Variants in EFNA5 observed in about 807,000 individuals in gnomAD.
The protein encoded by EFNA5 is ephrin-A5.
A neutral mutation model predicts 22.9 loss-of-function variants in EFNA5; 5 were observed. The observed-to-expected ratio is 0.22, with a 90% CI of 0.11 to 0.46. EFNA5 has a LOEUF of 0.46. Ranked by LOEUF, EFNA5 falls within the 20% of genes least tolerant of loss-of-function variation. The pLI is 0.99. For missense variants in EFNA5, 237 were observed against 293.3 expected (o/e 0.81, Z 1.40); for synonymous variants, 113 against 112.2 (o/e 1.01, Z -0.04).
intron 1 of EFNA5, among the ~76,000 whole-genome samples, chr5:107,459,109 T>C (rs1303429801): frequency 6.6e-6 from 1 of 152,062 alleles, no homozygotes; most frequent in East Asian, 1.9e-4. Flanking sequence ...CCTCAAAATA[T>C]CAATTGGAGG....
chr5:107,427,228 T>C lies in EFNA5; in HGVS notation c.407A>G (p.Tyr136Cys). 1 of 1,614,056 alleles carries C rather than the reference T, an allele frequency of 6.2e-7. No homozygotes were observed. The highest frequency in any genetic ancestry group is 8.5e-7 in the Non-Finnish European group (1 of 1,179,978). ...LGFEFRPGRE[Y>C]FYISSAIPDN... ...CTCTATATACTCACAGATGTAGAAA[T>C]ATTCTCGGCCTGGCCTGAATTCAAA... The change falls in exon 2 of 5, where the codon TAT (tyrosine) becomes TGT (cysteine). Residue 136 changes from tyrosine to cysteine, a missense_variant. Around this residue, in one of 3 missense-constraint regions of EFNA5, gnomAD observed 13 missense variants for 38.3 expected, o/e 0.34. Transcript: ENST00000333274.
At chr5:107,625,662 T>C (rs1490794731) in intron 1 of EFNA5, among the ~76,000 whole-genome samples, 2 of 152,150 alleles carry the variant, frequency 1.3e-5, no homozygotes, top group African/African-American at 2.4e-5. Context: ...AAATAAAGAT[T>C]GAATGTTAAG....
chr5:107,487,568 A>C (rs1746671427), intron 1 of EFNA5, among the ~76,000 whole-genome samples: 1 of 152,248 alleles, frequency 6.6e-6, no homozygotes, highest in African/African-American at 2.4e-5. Context: ...GTTGGATAGA[A>C]GTAAAATGTA....
intron 2 of EFNA5, among the ~76,000 whole-genome samples, chr5:107,414,694 C>A (rs181977404): frequency 2.0e-5 from 3 of 152,202 alleles, no homozygotes; most frequent in African/African-American, 7.2e-5. Context: ...AAAATTGCCA[C>A]AATAAATCTA....
intron 1 of EFNA5, among the ~76,000 whole-genome samples, chr5:107,669,596 G>A (rs997749967): frequency 8.5e-5 from 13 of 152,100 alleles, no homozygotes; most frequent in African/African-American, 1.9e-4. Flanking sequence ...TGTCCAGCAC[G>A]CGCACTAGGA....
At chr5:107,562,308 A>C (rs564064233) in intron 1 of EFNA5, among the ~76,000 whole-genome samples, 56 of 152,218 alleles carry the variant, frequency 3.7e-4, no homozygotes, top group African/African-American at 1.3e-3. Context: ...TTCATTTATC[A>C]TTCTACCTAG....
At chr5:107,408,552 T>C (rs1748280518) in intron 2 of EFNA5, among the ~76,000 whole-genome samples, 1 of 152,228 alleles carries the variant, frequency 6.6e-6, no homozygotes, top group African/African-American at 2.4e-5. Flanking sequence ...TGTTCAGAAT[T>C]CCTCAAGGGG....
rs936311819 is a variant in EFNA5, at chr5:107,380,866, T to A, written c.*389A>T. On this transcript the variant is annotated 3_prime_UTR_variant, in exon 5 of 5. Transcript: ENST00000333274. ...CCAGCCCTAGCCAGCGCTGGCTGCA[T>A]CTGCCACTATTCTTCCTTGTCCATA... 3 of 409,106 alleles carry A rather than the reference T, an allele frequency of 7.3e-6. No individual in the cohort carries two copies. The highest frequency in any genetic ancestry group is 4.1e-5 in the African/African-American group (2 of 49,352). The allele number at this position is 409,106 out of a possible 1,614,324, so 25.3% of individuals were successfully genotyped here.
At position 107,398,692 on chromosome 5, in the gene EFNA5, A is replaced by C. The variant is rs1747995813; in HGVS notation, c.419-10921T>G. Among the ~76,000 whole-genome samples, 2 of 151,686 alleles carry C rather than the reference A, an allele frequency of 1.3e-5. 1 individual carries two copies. The highest frequency in any genetic ancestry group is 4.8e-5 in the African/African-American group (2 of 41,260). ...CAAGACCCTGTCTCTATATAAAAAAAAATTTTTTTTTTATTGGCCAGGTGT... is the reference window on the plus strand; with the variant it reads ...CAAGACCCTGTCTCTATATAAAAAACAATTTTTTTTTTATTGGCCAGGTGT... On this transcript the variant is annotated intron_variant, in intron 2 of 4. Coordinates refer to ENST00000333274, the MANE Select transcript of EFNA5 (RefSeq NM_001962.3).
At chr5:107,554,460 A>G (rs1224060937) in intron 1 of EFNA5, among the ~76,000 whole-genome samples, 2 of 152,206 alleles carry the variant, frequency 1.3e-5, no homozygotes, top group Non-Finnish European at 2.9e-5. Context: ...GGAAAAATTA[A>G]TATTTGCATA....
At chr5:107,662,184 C>T (rs1459295259) in intron 1 of EFNA5, among the ~76,000 whole-genome samples, 2 of 152,086 alleles carry the variant, frequency 1.3e-5, no homozygotes, top group African/African-American at 4.8e-5. Flanking sequence ...GTTTTCTGCG[C>T]AAAAATGGTC....
chr5:107,626,455 A>T lies in EFNA5; in HGVS notation c.125+44034T>A, dbSNP rs568757657. ...CACCTGGCTAATTAATTTAAAAAAA[A>T]TTTTTTTTAGAGATGGGATATCTCT... On this transcript the variant is annotated intron_variant, in intron 1 of 4. Coordinates refer to ENST00000333274, the MANE Select transcript of EFNA5 (RefSeq NM_001962.3). Among the ~76,000 whole-genome samples, 252 of 151,922 alleles carry T rather than the reference A, an allele frequency of 1.7e-3. 2 individuals are homozygous for T. Among genetic ancestry groups the T allele is most frequent in the African/African-American group, 5.8e-3 (242 of 41,428 alleles).
intron 4 of EFNA5, among the ~76,000 whole-genome samples, chr5:107,383,416 AAGT>A (rs1384033968): frequency 3.9e-5 from 6 of 152,290 alleles, no homozygotes; most frequent in Admixed American, 2.0e-4. Flanking sequence ...AGTTAATAGG[AAGT>A]AGAAGTAAAG....
chr5:107,542,883 G>A (rs1250462459), intron 1 of EFNA5, among the ~76,000 whole-genome samples: 1 of 152,192 alleles, frequency 6.6e-6, no homozygotes, highest in African/African-American at 2.4e-5. Context: ...TCGACAGGCA[G>A]TGTATGTGTG....
intron 1 of EFNA5, among the ~76,000 whole-genome samples, chr5:107,540,716 C>T (rs1748028527): frequency 6.6e-6 from 1 of 152,128 alleles, no homozygotes; most frequent in African/African-American, 2.4e-5. Context: ...CTTTAAAGAT[C>T]TTAAAAATGT....
intron 1 of EFNA5, among the ~76,000 whole-genome samples, chr5:107,574,310 G>A (rs193189045): frequency 7.2e-4 from 110 of 152,134 alleles, no homozygotes; most frequent in Middle Eastern, 6.8e-3. Flanking sequence ...TGATTTTCGG[G>A]AGTACTCAGT....
intron 1 of EFNA5, among the ~76,000 whole-genome samples, chr5:107,660,878 C>A (rs1221737301): frequency 2.0e-5 from 3 of 152,036 alleles, no homozygotes; most frequent in Non-Finnish European, 2.9e-5. Flanking sequence ...GAACTGTACC[C>A]CTCTTAGTGC....
chr5:107,529,695 C>A (rs1747770064), intron 1 of EFNA5, among the ~76,000 whole-genome samples: 1 of 152,072 alleles, frequency 6.6e-6, no homozygotes, highest in Non-Finnish European at 1.5e-5. Context: ...AGTAACACAC[C>A]ACCTTGTATT....
chr5:107,599,753 GA>G (rs965833049), intron 1 of EFNA5, among the ~76,000 whole-genome samples: 36 of 152,298 alleles, frequency 2.4e-4, no homozygotes, highest in African/African-American at 7.2e-4. Context: ...GAGAAAAGAA[GA>G]ATAATTGCCA....
Sources: gnomAD v4.1 joint callset for allele counts (sites outside exome capture counted in the v4.1 genomes callset) on GRCh38, gnomAD v4.1.1 for gene constraint, gnomAD v4.1.1 regional missense constraint, MANE v1.5 for transcripts, NCBI Gene and HGNC (gene_info 2026-07-23, HGNC 2026-07-21) for gene names.